The following CLN3 variants were observed in gnomAD, a reference collection of about 807,000 sequenced individuals.
CLN3 encodes the protein CLN3 lysosomal/endosomal transmembrane protein, battenin, also known as battenin.
In CLN3, 49 loss-of-function variants were observed where a neutral mutation model predicts 60.7. The ratio of observed to expected loss-of-function variants is 0.81; its 90% confidence interval spans 0.64 to 1.02. The LOEUF (loss-of-function observed/expected upper bound fraction) is 1.02, where lower values mean the gene tolerates loss of function less well. Ranked by LOEUF, CLN3 falls within the 50% of genes least tolerant of loss-of-function variation. CLN3 has a pLI of 0.00. For synonymous variants in CLN3, 256 were observed against 245.8 expected, an observed-to-expected ratio of 1.04 and a Z score of -0.39; for missense variants, 516 against 557.4, an observed-to-expected ratio of 0.93 and a Z score of 0.75.
intron 1 of CLN3, 63 bp from the exon 2 acceptor site, chr16:28,491,898 C>T (rs2046321281): frequency 1.8e-6 from 2 of 1,135,508 alleles, no homozygotes; most frequent in Non-Finnish European, 2.6e-6. Flanking sequence ...GTCTAGGGCA[C>T]TCGCGCCCCG....
downstream of CLN3, among the ~76,000 whole-genome samples, chr16:28,473,273 CT>C (rs1231399449): frequency 1.3e-5 from 2 of 151,934 alleles, no homozygotes; most frequent in Admixed American, 1.3e-4. Flanking sequence ...ATAATTTTTT[CT>C]TTTTTCTTTT....
chr16:28,484,145 GA>G, intron 9 of CLN3, 27 bp from the exon 10 acceptor site: 1 of 1,554,652 alleles, frequency 6.4e-7, no homozygotes, highest in Non-Finnish European at 8.8e-7. Flanking sequence ...GGCAGGGTCA[GA>G]AAACCCTACT....
intron 14 of CLN3, among the ~76,000 whole-genome samples, chr16:28,478,946 G>T (rs2046043103): frequency 6.6e-6 from 1 of 152,120 alleles, no homozygotes; most frequent in African/African-American, 2.4e-5. Context: ...ATTCAGCTGG[G>T]CTCGAACTCC....
At chr16:28,489,233 A>G in intron 4 of CLN3, 57 bp downstream of exon 4, 1 of 1,371,324 alleles carries the variant, frequency 7.3e-7, no homozygotes, top group South Asian at 1.2e-5. Context: ...ACCTTGTCCC[A>G]CCCCCTCATC....
At chr16:28,472,508 G>C (rs1170909078), downstream of CLN3, among the ~76,000 whole-genome samples, 6 of 152,042 alleles carry the variant, frequency 3.9e-5, no homozygotes, top group Admixed American at 3.9e-4. Context: ...ATGAAAACAA[G>C]ATCTAAATGT....
chr16:28,487,821 G>T, intron 5 of CLN3, 80 bp from the exon 6 acceptor site: 1 of 1,198,594 alleles, frequency 8.3e-7, no homozygotes, highest in Non-Finnish European at 1.2e-6. Context: ...AGAGGCAGGA[G>T]CTGGCCAAAC....
chr16:28,488,615 A>C lies in CLN3; in HGVS notation c.270T>G (p.Phe90Leu), dbSNP rs145520962. 260 of 1,614,076 alleles carry C rather than the reference A, an allele frequency of 1.6e-4. No homozygotes were observed. Among genetic ancestry groups the C allele is most frequent in the Non-Finnish European group, 2.1e-4 (249 of 1,180,034 alleles). ...CAGCCGTAGAGACAGAGTTGCAGTC[A>C]AATCGTGATGAGCTGTTGTGGGGGA... ...TPIPHNSSSR[F>L]DCNSVSTAAV... is the part of the protein sequence containing the mutation. The change falls in exon 5 of 16, where the codon TTT becomes TTG. Residue 90 changes from phenylalanine to leucine, a missense_variant. Coordinates refer to ENST00000636147, the MANE Select transcript of CLN3 (RefSeq NM_001042432.2).
chr16:28,492,057 C>A lies in CLN3; in HGVS notation c.-114G>T, dbSNP rs369500373. The stretch of plus-strand genomic sequence containing the variant: ...CAGAATGTTCTGCACTATGCAGAGG[C>A]CGTTTGTCGGATCACGTGACAGCAC... On this transcript the variant is annotated 5_prime_UTR_variant, in exon 1 of 16. Transcript: ENST00000636147. The A allele has an allele frequency of 1.0e-4, 52 of 506,460 alleles. No homozygotes were observed. The highest frequency in any genetic ancestry group is 3.8e-5 in the African/African-American group (2 of 52,156). 31.4% of individuals were successfully genotyped at this position (506,460 alleles called of 1,614,324 possible). A position where few individuals can be genotyped will look rare whatever the true frequency, so the allele number is the denominator to read the frequency against.
intron 10 of CLN3, among the ~76,000 whole-genome samples, chr16:28,483,593 C>G (rs1963667726): frequency 6.6e-6 from 1 of 151,938 alleles, no homozygotes; most frequent in Admixed American, 6.6e-5. Context: ...TTCTCTGGTT[C>G]TAGAACATCC....
In CLN3 at chr16:28,491,463, G is replaced by A. The variant is rs1466192346; in HGVS notation, c.125+19C>T. 1 of 1,612,336 alleles carries A rather than the reference G, an allele frequency of 6.2e-7. No homozygotes were observed. Among genetic ancestry groups the A allele is most frequent in the South Asian group, 1.1e-5 (1 of 90,860 alleles). On this transcript the variant is annotated intron_variant, in intron 3 of 15. Coordinates refer to ENST00000636147, the MANE Select transcript of CLN3 (RefSeq NM_001042432.2). ...TCTTCTCATGCCATTGTCACTCGCT[G>A]AAGTCTCAGGCCACTCACCAGAAGC...
downstream of CLN3, chr16:28,476,700 AG>A (rs1323927174): frequency 2.6e-5 from 4 of 152,342 alleles, no homozygotes; most frequent in Non-Finnish European, 5.9e-5. Flanking sequence ...AACATAGAAC[AG>A]GGTGGCGCAT....
chr16:28,480,023 T>C (rs947658317), intron 14 of CLN3, among the ~76,000 whole-genome samples: 1 of 151,548 alleles, frequency 6.6e-6, no homozygotes, highest in African/African-American at 2.4e-5. Context: ...TACAGTGGCA[T>C]GATTATGGCT....
At chr16:28,485,695 A>AT in intron 9 of CLN3, among the ~76,000 whole-genome samples, 1 of 150,192 alleles carries the variant, frequency 6.7e-6, no homozygotes, top group East Asian at 1.9e-4. Context: ...AAAAAAAAAA[A>AT]AAAAAAAAAA....
chr16:28,486,012 T>C (rs1245482286), intron 9 of CLN3, among the ~76,000 whole-genome samples: 1 of 151,536 alleles, frequency 6.6e-6, no homozygotes, highest in Non-Finnish European at 1.5e-5. Flanking sequence ...TTTTTTTTCT[T>C]CCTGAGACAG....
chr16:28,474,049 C>G (rs980622043), downstream of CLN3: 5 of 152,176 alleles, frequency 3.3e-5, no homozygotes, highest in African/African-American at 1.2e-4. Flanking sequence ...CGGTGGATCA[C>G]CTGAGTTTAG....
chr16:28,484,356 G>C, intron 9 of CLN3: 2 of 516,782 alleles, frequency 3.9e-6, no homozygotes, highest in South Asian at 4.2e-5. Context: ...ATTTTGTTTT[G>C]ATTTTTTTCA....
intron 14 of CLN3, among the ~76,000 whole-genome samples, chr16:28,481,460 A>ACG (rs1555468034): frequency 1.3e-3 from 197 of 148,836 alleles, no homozygotes; most frequent in Middle Eastern, 3.4e-3. Context: ...ACACGCACAC[A>ACG]CACACACACA....
intron 14 of CLN3, 61 bp downstream of exon 14, chr16:28,482,044 G>T: frequency 7.6e-7 from 1 of 1,320,170 alleles, no homozygotes; most frequent in Non-Finnish European, 1.1e-6. Context: ...GGGGTTTGGG[G>T]AAGCTGGGAG....
At chr16:28,472,389 CAAAAT>C (rs544505081), downstream of CLN3, among the ~76,000 whole-genome samples, 49 of 151,986 alleles carry the variant, frequency 3.2e-4, 1 homozygote, top group South Asian at 1.0e-2. Flanking sequence ...TGTCTCTAAA[CAAAAT>C]AAAAAATAAA....
Sources: gnomAD v4.1 joint callset for allele counts (sites outside exome capture counted in the v4.1 genomes callset) on GRCh38, gnomAD v4.1.1 for gene constraint, MANE v1.5 for transcripts, NCBI Gene and HGNC (gene_info 2026-07-23, HGNC 2026-07-21) for gene names.